Variants in RXFP1 observed in about 807,000 individuals in gnomAD.
The protein encoded by RXFP1 is relaxin family peptide receptor 1.
RXFP1 carries 73 observed loss-of-function variants against 89.8 expected under a neutral mutation model. That is an observed-to-expected ratio of 0.81 (90% CI 0.67 to 0.99). The LOEUF is 0.99. Among genes scored for constraint, RXFP1 ranks in the 50% least tolerant of loss-of-function variants. The pLI is 0.00. For synonymous variants in RXFP1, 277 were observed against 305.5 expected (o/e 0.91, Z 0.97); for missense variants, 793 against 895.5 (o/e 0.89, Z 1.46).
At chr4:158,592,340 G>A (rs1365273451) in intron 2 of RXFP1, among the ~76,000 whole-genome samples, 7 of 152,138 alleles carry the variant, frequency 4.6e-5, no homozygotes, top group African/African-American at 1.2e-4. Context: ...CTGGGGGGCC[G>A]AGGCTGGTGG....
chr4:158,530,442 T>C (rs192505502), intron 1 of RXFP1, among the ~76,000 whole-genome samples: 9 of 152,298 alleles, frequency 5.9e-5, no homozygotes, highest in Admixed American at 5.9e-4. Flanking sequence ...ATTTTAATGG[T>C]TTTTTCCCAG....
At chr4:158,601,055 A>G (rs1166487175) in intron 4 of RXFP1, among the ~76,000 whole-genome samples, 1 of 152,132 alleles carries the variant, frequency 6.6e-6, no homozygotes, top group Non-Finnish European at 1.5e-5. Context: ...ATGGAGGGGA[A>G]TAAGGCAATG....
At chr4:158,560,849 TC>T (rs1752282413) in intron 1 of RXFP1, among the ~76,000 whole-genome samples, 2 of 152,178 alleles carry the variant, frequency 1.3e-5, no homozygotes. Context: ...GTCTCACTGG[TC>T]GGAACTGTGC....
At chr4:158,526,859 C>T (rs1457365787) in intron 1 of RXFP1, among the ~76,000 whole-genome samples, 4 of 152,166 alleles carry the variant, frequency 2.6e-5, no homozygotes, top group African/African-American at 9.7e-5. Flanking sequence ...TCTAGGCCAC[C>T]TGGAGCCCTT....
chr4:158,650,765 T>C (rs1371244601), intron 17 of RXFP1, among the ~76,000 whole-genome samples: 1 of 151,760 alleles, frequency 6.6e-6, no homozygotes, highest in Non-Finnish European at 1.5e-5. Context: ...CAAGACTCTA[T>C]CTCAGGAAAA....
chr4:158,572,999 CTT>C, intron 2 of RXFP1, 164 bp downstream of exon 2: 2 of 1,059,554 alleles, frequency 1.9e-6, no homozygotes, highest in South Asian at 3.8e-5. Context: ...AATATCCACT[CTT>C]TTCTTTTCTT....
In RXFP1 at chr4:158,620,106, GA is replaced by G. The variant is rs1765332600; in HGVS notation, c.755+2902del. Among the ~76,000 whole-genome samples the G allele has an allele frequency of 2.0e-5, 3 of 152,326 alleles. No individual in the cohort carries two copies. In the South Asian group the frequency reaches 6.2e-4, roughly 32 times the overall value. On this transcript the variant is annotated intron_variant, in intron 9 of 17. Coordinates refer to ENST00000307765, the MANE Select transcript of RXFP1 (RefSeq NM_021634.4). ...AATAAGTTAAGTAATATAGTGGAAA[GA>G]TGGATAATATGCACGAACATAAAGA...
intron 5 of RXFP1, chr4:158,607,183 C>A (rs772705634): frequency 7.9e-7 from 1 of 1,266,648 alleles, no homozygotes; most frequent in Non-Finnish European, 1.1e-6. Context: ...GATGCAATAG[C>A]GTATACTCTG....
At chr4:158,626,784 A>T in intron 9 of RXFP1, 36 bp from the exon 10 acceptor site, 1 of 1,250,830 alleles carries the variant, frequency 8.0e-7, no homozygotes, top group Non-Finnish European at 1.1e-6. Flanking sequence ...CTCCATGATT[A>T]AGATTTAGCT....
rs377413773 is a variant in RXFP1, at chr4:158,645,032, G to T, written c.1239G>T (p.Trp413Cys). The T allele has an allele frequency of 2.5e-6, 4 of 1,614,106 alleles. No homozygotes were observed. Among genetic ancestry groups the T allele is most frequent in the Non-Finnish European group, 2.5e-6 (3 of 1,179,978 alleles). Residue 413 changes from tryptophan (W) to cysteine (C), a missense_variant, in exon 15 of 18, where the codon TGG becomes TGT. Trp to Cys is a radical substitution (Grantham distance 215). Transcript: ENST00000307765. ...LASIIQRVFV[W>C]VVSAVTCFGN... ...GCATTATTCAGAGAGTATTTGTCTG[G>T]GTTGTATCTGCAGTTACCTGCTTTG...
intron 9 of RXFP1, among the ~76,000 whole-genome samples, chr4:158,625,840 T>G (rs1288564729): frequency 6.6e-6 from 1 of 152,112 alleles, no homozygotes; most frequent in Non-Finnish European, 1.5e-5. Context: ...AAGCTGAGTG[T>G]TAGAAGAGGC....
At chr4:158,599,078 G>A (rs564807462) in intron 3 of RXFP1, among the ~76,000 whole-genome samples, 6 of 151,280 alleles carry the variant, frequency 4.0e-5, no homozygotes, top group African/African-American at 1.5e-4. Context: ...AGAACAGTCT[G>A]CTTTTTTTAA....
At chr4:158,627,333 A>G (rs1030476811) in intron 10 of RXFP1, among the ~76,000 whole-genome samples, 13 of 152,296 alleles carry the variant, frequency 8.5e-5, no homozygotes, top group African/African-American at 3.1e-4. Context: ...AGCTTATTTT[A>G]CCAGAATGTT....
chr4:158,632,710 G>GA (rs749357551), intron 11 of RXFP1, among the ~76,000 whole-genome samples: 123 of 152,216 alleles, frequency 8.1e-4, no homozygotes, highest in Non-Finnish European at 1.2e-3. Context: ...AGCTGTGGAA[G>GA]AAACTCGAAC....
chr4:158,586,460 C>T (rs759351269), intron 2 of RXFP1, among the ~76,000 whole-genome samples: 20 of 152,062 alleles, frequency 1.3e-4, no homozygotes, highest in African/African-American at 2.2e-4. Flanking sequence ...CTCTTCTGTG[C>T]GGTGCTTGTT....
intron 14 of RXFP1, among the ~76,000 whole-genome samples, chr4:158,640,387 C>T (rs970390191): frequency 7.9e-5 from 12 of 152,122 alleles, no homozygotes; most frequent in African/African-American, 2.9e-4. Flanking sequence ...TTTATTTTGG[C>T]TCACAGTTCT....
Position 158,644,948 on chromosome 4 carries a change from T to G in RXFP1, c.1155T>G (p.His385Gln). ...TCCAGTACTGTGGGTATGCACCACA[T>G]GTTCGCAGCTGTAAACCAAACACTG... Reference protein sequence around the residue: ...KKFQYCGYAPHVRSCKPNTDG... With the variant: ...KKFQYCGYAPQVRSCKPNTDG... The change falls in exon 15 of 18, where the codon CAT becomes CAG. Residue 385 changes from histidine (H) to glutamine (Q), a missense_variant. Coordinates refer to ENST00000307765, the MANE Select transcript of RXFP1 (RefSeq NM_021634.4). 6.2e-7 allele frequency: 1 copy of G among 1,614,150 alleles called. No individual in the cohort carries two copies. The highest frequency in any genetic ancestry group is 8.5e-7 in the Non-Finnish European group (1 of 1,179,984).
At chr4:158,596,397 A>T (rs1418117903) in intron 3 of RXFP1, among the ~76,000 whole-genome samples, 4 of 150,958 alleles carry the variant, frequency 2.6e-5, no homozygotes, top group Non-Finnish European at 4.4e-5. Flanking sequence ...CCGAGTTTGG[A>T]TTACAGACAT....
chr4:158,560,184 C>T (rs572684041), intron 1 of RXFP1, among the ~76,000 whole-genome samples: 10 of 152,228 alleles, frequency 6.6e-5, no homozygotes, highest in Non-Finnish European at 1.0e-4. Flanking sequence ...TCAGTCCCAA[C>T]AATATCTCCA....
Sources: allele counts gnomAD v4.1 joint callset (sites outside exome capture counted in the v4.1 genomes callset), GRCh38; gene constraint gnomAD v4.1.1; transcripts MANE v1.5; gene names NCBI Gene and HGNC (gene_info 2026-07-23, HGNC 2026-07-21).